The following LEF1 variants were observed in gnomAD, a reference collection of about 807,000 sequenced individuals.
LEF1 encodes the protein lymphoid enhancer binding factor 1, also known as lymphoid enhancer-binding factor 1.
In LEF1, 14 loss-of-function variants were observed where a neutral mutation model predicts 51.2. The observed-to-expected ratio is 0.27, with a 90% confidence interval of 0.18 to 0.43. The LOEUF (loss-of-function observed/expected upper bound fraction) is 0.43, where lower values mean the gene tolerates loss of function less well. Among genes scored for constraint, LEF1 ranks in the 20% least tolerant of loss-of-function variants. LEF1 has a pLI of 1.00. For synonymous variants in LEF1, 185 were observed against 183.2 expected (o/e 1.01, Z -0.08); for missense variants, 386 against 512.0 (o/e 0.75, Z 2.37).
intron 3 of LEF1, among the ~76,000 whole-genome samples, chr4:108,127,639 G>A (rs1742629168): frequency 6.6e-6 from 1 of 152,136 alleles, no homozygotes; most frequent in Non-Finnish European, 1.5e-5. Flanking sequence ...ACTTACTTTG[G>A]CAGAGTATCT....
intron 11 of LEF1, among the ~76,000 whole-genome samples, chr4:108,053,058 C>T (rs1176952129): frequency 6.6e-6 from 1 of 152,162 alleles, no homozygotes; most frequent in Non-Finnish European, 1.5e-5. Flanking sequence ...AATTATCATT[C>T]ACTTTCTTCT....
At chr4:108,157,884 T>C (rs1457898950) in intron 3 of LEF1, among the ~76,000 whole-genome samples, 1 of 152,188 alleles carries the variant, frequency 6.6e-6, no homozygotes, top group Non-Finnish European at 1.5e-5. Context: ...TGCACTCTTT[T>C]ACAGAGACTT....
chr4:108,079,171 A>G (rs1018907688), intron 7 of LEF1, among the ~76,000 whole-genome samples: 4 of 152,220 alleles, frequency 2.6e-5, no homozygotes, highest in Non-Finnish European at 4.4e-5. Flanking sequence ...GTTCTCCCCA[A>G]TAATCTGAAC....
chr4:108,161,759 T>C (rs1745067422), intron 3 of LEF1, among the ~76,000 whole-genome samples: 1 of 152,196 alleles, frequency 6.6e-6, no homozygotes, highest in South Asian at 2.1e-4. Context: ...AGCTGATCTT[T>C]TTAAGAAATA....
rs2110435398 is a variant in LEF1 at position 108,168,726 on chromosome 4, G to GCTCT, written c.-963_-960dup. 1.3e-5 allele frequency: 2 copies of GCTCT among 152,220 alleles called. No individual in the cohort carries two copies. The highest frequency in any genetic ancestry group is 1.3e-4 in the Admixed American group (2 of 15,300). The allele number at this position is 152,220 out of a possible 1,614,324, so 9.4% of individuals were successfully genotyped here. On this transcript the variant is annotated 5_prime_UTR_variant, in exon 1 of 12. Coordinates refer to ENST00000265165, the MANE Select transcript of LEF1 (RefSeq NM_016269.5). This position sits in a 1 kb window ranked among gnomAD's most constrained non-coding sequence, Gnocchi z 4.6. ...TCTCAGCCTGGCTCGCCGGCTCGCCGCTCTGCACGCCTCCGCCGGCCAGCT... is the reference window on the plus strand; with the variant it reads ...TCTCAGCCTGGCTCGCCGGCTCGCCGCTCTCTCTGCACGCCTCCGCCGGCCAGCT...
rs201140032 is a variant in LEF1, at chr4:108,091,464, G to GA, written c.415-2208dup. On this transcript the variant is annotated intron_variant, in intron 3 of 11. Transcript: ENST00000265165. ...AACTTACGGGGGGGGGAAAAAAAAGGAAAAAAAAATCACACTTTTTTTGGA... is the reference window on the plus strand; with the variant it reads ...AACTTACGGGGGGGGGAAAAAAAAGGAAAAAAAAAATCACACTTTTTTTGGA... Among the ~76,000 whole-genome samples, 1,199 of 147,998 alleles carry GA rather than the reference G, an allele frequency of 8.1e-3. 15 individuals carry two copies. Among genetic ancestry groups the GA allele is most frequent in the African/African-American group, 0.026 (1,054 of 40,320 alleles).
At chr4:108,077,614 C>T (rs1738968318) in intron 8 of LEF1, among the ~76,000 whole-genome samples, 5 of 120,492 alleles carry the variant, frequency 4.1e-5, no homozygotes, top group Admixed American at 4.0e-4. Flanking sequence ...GGCTGCCGCC[C>T]CGTCTGGGAA....
chr4:108,114,304 G>C (rs1405468005), intron 3 of LEF1, among the ~76,000 whole-genome samples: 5 of 152,172 alleles, frequency 3.3e-5, no homozygotes, highest in African/African-American at 9.7e-5. Context: ...CAAGAAGCCA[G>C]GGAGGAGGAC....
intron 3 of LEF1, among the ~76,000 whole-genome samples, chr4:108,118,040 T>C (rs1027847216): frequency 6.6e-6 from 1 of 152,180 alleles, no homozygotes; most frequent in Non-Finnish European, 1.5e-5. Context: ...GCTATCATTA[T>C]TTCCATTTTA....
chr4:108,138,733 C>T (rs1192162705), intron 3 of LEF1, among the ~76,000 whole-genome samples: 2 of 152,354 alleles, frequency 1.3e-5, no homozygotes, highest in East Asian at 3.9e-4. Context: ...GTTGCCACTG[C>T]CTATATGAGA....
chr4:108,099,613 T>A (rs1341455865), intron 3 of LEF1, among the ~76,000 whole-genome samples: 7 of 123,682 alleles, frequency 5.7e-5, no homozygotes, highest in African/African-American at 9.8e-5. Context: ...TATATATATA[T>A]ATATAAATAA....
intron 11 of LEF1, among the ~76,000 whole-genome samples, chr4:108,053,890 C>CA (rs1411541277): frequency 6.6e-6 from 1 of 152,238 alleles, no homozygotes; most frequent in Non-Finnish European, 1.5e-5. Flanking sequence ...CTCATCTACT[C>CA]ACCTCCAAAC....
intron 3 of LEF1, among the ~76,000 whole-genome samples, chr4:108,095,055 G>A (rs1000852826): frequency 6.6e-6 from 1 of 152,168 alleles, no homozygotes; most frequent in African/African-American, 2.4e-5. Flanking sequence ...CCAAACACCT[G>A]CTTCAGGTCT....
chr4:108,058,556 C>T (rs575206820), intron 11 of LEF1, among the ~76,000 whole-genome samples: 1 of 152,144 alleles, frequency 6.6e-6, no homozygotes, highest in Non-Finnish European at 1.5e-5. Flanking sequence ...TATTACTGTG[C>T]TATCAAACCC....
chr4:108,149,182 G>A (rs929455481), intron 3 of LEF1, among the ~76,000 whole-genome samples: 4 of 152,102 alleles, frequency 2.6e-5, no homozygotes, highest in African/African-American at 7.2e-5. Flanking sequence ...TAGATTGGCC[G>A]GGCGCGGTGG....
intron 9 of LEF1, among the ~76,000 whole-genome samples, chr4:108,068,710 A>T (rs1738253433): frequency 6.6e-6 from 1 of 152,206 alleles, no homozygotes; most frequent in Non-Finnish European, 1.5e-5. Flanking sequence ...TATTATAGGA[A>T]ATAAATTGTG....
At chr4:108,071,112 A>C (rs1738451042) in intron 8 of LEF1, among the ~76,000 whole-genome samples, 1 of 152,150 alleles carries the variant, frequency 6.6e-6, no homozygotes, top group Non-Finnish European at 1.5e-5. Flanking sequence ...ACCCAACTTC[A>C]CTGTTTTTCA....
intron 3 of LEF1, among the ~76,000 whole-genome samples, chr4:108,101,934 C>A (rs147403371): frequency 6.6e-6 from 1 of 152,120 alleles, no homozygotes; most frequent in African/African-American, 2.4e-5. Context: ...GTGGCATGCG[C>A]CTGTAGTCCC....
chr4:108,116,711 G>C (rs1741867761), intron 3 of LEF1, among the ~76,000 whole-genome samples: 1 of 152,126 alleles, frequency 6.6e-6, no homozygotes, highest in South Asian at 2.1e-4. Context: ...TGGATTCTGG[G>C]GCCTGGTGAA....
Sources: allele counts gnomAD v4.1 joint callset (sites outside exome capture counted in the v4.1 genomes callset), GRCh38; gene constraint gnomAD v4.1.1; non-coding constraint Gnocchi (gnomAD v3.1); transcripts MANE v1.5; gene names NCBI Gene and HGNC (gene_info 2026-07-23, HGNC 2026-07-21).